Variants in PLAAT1 observed in about 807,000 individuals in gnomAD.
The protein encoded by PLAAT1 is phospholipase A and acyltransferase 1, also known as H-REV107 protein-related protein.
A neutral mutation model predicts 16.4 loss-of-function variants in PLAAT1; 13 were observed. The ratio of observed to expected loss-of-function variants is 0.79; its 90% confidence interval spans 0.52 to 1.26. PLAAT1 has a LOEUF of 1.26. PLAAT1 is among the 50% of genes most tolerant of loss of function. PLAAT1 has a pLI of 0.00. For synonymous variants in PLAAT1, 73 were observed against 78.4 expected (o/e 0.93, Z 0.36); for missense variants, 218 against 207.8 (o/e 1.05, Z -0.30).
intron 3 of PLAAT1, among the ~76,000 whole-genome samples, chr3:193,268,651 T>A (rs928499551): frequency 1.4e-4 from 22 of 152,198 alleles, no homozygotes; most frequent in Non-Finnish European, 2.4e-4. Context: ...TTATCTAGAA[T>A]GAGACTTGAA....
chr3:193,268,924 C>T (rs938525399), intron 3 of PLAAT1, among the ~76,000 whole-genome samples: 1 of 152,158 alleles, frequency 6.6e-6, no homozygotes, highest in Admixed American at 6.5e-5. Context: ...AAGGGCCGTA[C>T]CCTGCTACCA....
downstream of PLAAT1, among the ~76,000 whole-genome samples, chr3:193,271,860 C>G (rs1290557018): frequency 6.6e-6 from 1 of 152,136 alleles, no homozygotes; most frequent in Non-Finnish European, 1.5e-5. Flanking sequence ...CAGAAATACT[C>G]AACAAGCTAA....
downstream of PLAAT1, chr3:193,275,215 T>G (rs777015632): frequency 5.8e-5 from 94 of 1,614,100 alleles, no homozygotes; most frequent in Non-Finnish European, 7.6e-5. Flanking sequence ...GCTAGCTTCT[T>G]TTGCCAAGTC....
intron 1 of PLAAT1, among the ~76,000 whole-genome samples, chr3:193,248,253 A>G (rs1716054829): frequency 6.6e-6 from 1 of 152,142 alleles, no homozygotes; most frequent in South Asian, 2.1e-4. Flanking sequence ...TTTGTGTGGA[A>G]TATCTTTTTT....
chr3:193,252,656 A>G (rs1176644733), intron 1 of PLAAT1, among the ~76,000 whole-genome samples: 14 of 151,970 alleles, frequency 9.2e-5, no homozygotes, highest in African/African-American at 1.4e-4. Context: ...TTTTTCTCCT[A>G]TGTTTTTCTC....
intron 3 of PLAAT1, among the ~76,000 whole-genome samples, chr3:193,263,674 T>C (rs1172318641): frequency 6.6e-6 from 1 of 152,210 alleles, no homozygotes; most frequent in Non-Finnish European, 1.5e-5. Context: ...TAATGACATA[T>C]CTTAGTGGGC....
downstream of PLAAT1, chr3:193,281,132 T>C (rs147969215): frequency 5.2e-6 from 5 of 970,462 alleles, no homozygotes; most frequent in African/African-American, 8.8e-5. Flanking sequence ...TAAAGCAATC[T>C]AAATGGCTTG....
At chr3:193,255,163 A>G (rs552309013) in intron 1 of PLAAT1, among the ~76,000 whole-genome samples, 14 of 152,310 alleles carry the variant, frequency 9.2e-5, no homozygotes, top group African/African-American at 2.9e-4. Context: ...TTCATGCTAA[A>G]TAAGTGCAAG....
rs1444066077 is a variant in PLAAT1, at chr3:193,252,129, C to T, written c.1-3522C>T. ...TGCTTCTGGTGAGGGTCTCAGGAAG[C>T]TTACAATCATGGTGGAATGCAATGG... On this transcript the variant is annotated intron_variant, in intron 1 of 3. Coordinates refer to ENST00000264735, the MANE Select transcript of PLAAT1 (RefSeq NM_020386.5). 3.9e-5 allele frequency among the ~76,000 whole-genome samples: 6 copies of T among 152,122 alleles called. No individual in the cohort carries two copies. The East Asian group carries it at 9.7e-4, about 25-fold the overall frequency.
downstream of PLAAT1, chr3:193,274,665 T>A (rs563240700): frequency 4.3e-4 from 84 of 194,796 alleles, no homozygotes; most frequent in Non-Finnish European, 7.8e-4. Context: ...TAAGTAAACT[T>A]GTGACAACTA....
intron 1 of PLAAT1, among the ~76,000 whole-genome samples, chr3:193,247,000 G>T (rs758567455): frequency 1.3e-5 from 2 of 152,120 alleles, no homozygotes; most frequent in African/African-American, 2.4e-5. Flanking sequence ...CTTTCCTTTG[G>T]TGGGAGATTG....
chr3:193,270,800 AG>A lies in PLAAT1; in HGVS notation c.*96del. The A allele has an allele frequency of 6.8e-7, 1 of 1,468,572 alleles. No homozygotes were observed. The highest frequency in any genetic ancestry group is 9.0e-7 in the Non-Finnish European group (1 of 1,106,606). The allele number at this position is 1,468,572 out of a possible 1,614,324, so 91.0% of individuals were successfully genotyped here. ...ATTTTCAGTGCATCATTACTGTTCC[AG>A]ATTCCTATGATGGATGGCAGACTCT... On this transcript the variant is annotated 3_prime_UTR_variant, in exon 4 of 4. Coordinates refer to ENST00000264735, the MANE Select transcript of PLAAT1 (RefSeq NM_020386.5).
chr3:193,276,260 A>T (rs1717194792), intron 2 of PLAAT1, among the ~76,000 whole-genome samples: 1 of 152,214 alleles, frequency 6.6e-6, no homozygotes, highest in Non-Finnish European at 1.5e-5. Flanking sequence ...CCTCTTACTA[A>T]GTGGGTAAAG....
downstream of PLAAT1, among the ~76,000 whole-genome samples, chr3:193,279,846 A>G (rs1248182685): frequency 6.6e-6 from 1 of 151,910 alleles, no homozygotes; most frequent in Non-Finnish European, 1.5e-5. Context: ...AAGGCCTTCC[A>G]CAATCTGGTC....
intron 1 of PLAAT1, among the ~76,000 whole-genome samples, chr3:193,254,040 T>C (rs1577303167): frequency 6.6e-6 from 1 of 152,210 alleles, no homozygotes; most frequent in East Asian, 1.9e-4. Flanking sequence ...TCACAGTGTA[T>C]TATCTATTTT....
At position 193,263,081 on chromosome 3, in the gene PLAAT1, A is replaced by C. The variant is rs1459893001; in HGVS notation, c.251A>C (p.Asn84Thr). 2 of 1,614,208 alleles carry C rather than the reference A, an allele frequency of 1.2e-6. No individual in the cohort carries two copies. The highest frequency in any genetic ancestry group is 2.2e-5 in the South Asian group (2 of 91,086). The change falls in exon 3 of 4, where the codon AAT (asparagine) becomes ACT (threonine). Residue 84 changes from asparagine (N) to threonine (T), a missense_variant. By Grantham distance (65) the Asn-to-Thr change is moderately conservative (BLOSUM62 0). Coordinates refer to ENST00000264735, the MANE Select transcript of PLAAT1 (RefSeq NM_020386.5). ...GGAAATGACACATACAGAATAAACA[A>C]TAAATACGATGAAACGTACCCCCCT... The part of the protein sequence containing the change: ...VVGNDTYRIN[N>T]KYDETYPPLP...
rs1271164066 is a variant in PLAAT1 at position 193,241,347 on chromosome 3, C to T, written c.-187C>T. On this transcript the variant is annotated 5_prime_UTR_variant, in exon 1 of 4. Transcript: ENST00000264735. ...CCGTTTCAGCGTGGCGGCGCTGGTG[C>T]TGGCGTTGGCCCTGGAGGACGGCCC... 1.6e-6 allele frequency: 2 copies of T among 1,231,442 alleles called. No individual in the cohort carries two copies. Among genetic ancestry groups the T allele is most frequent in the East Asian group, 3.2e-5 (1 of 31,700 alleles). The allele number at this position is 1,231,442 out of a possible 1,614,324, so 76.3% of individuals were successfully genotyped here.
At chr3:193,260,685 C>CA (rs71637105) in intron 2 of PLAAT1, among the ~76,000 whole-genome samples, 1,614 of 137,022 alleles carry the variant, frequency 0.012, 6 homozygotes, top group African/African-American at 0.015. Context: ...ATTAAAAAGT[C>CA]AAAAAAAAAA....
chr3:193,251,245 C>T (rs1716183002), intron 1 of PLAAT1, among the ~76,000 whole-genome samples: 2 of 152,150 alleles, frequency 1.3e-5, no homozygotes, highest in South Asian at 2.1e-4. Context: ...GCAGAGGCCT[C>T]CAGCCTCTTT....
Sources: gnomAD v4.1 joint callset for allele counts (sites outside exome capture counted in the v4.1 genomes callset) on GRCh38, gnomAD v4.1.1 for gene constraint, MANE v1.5 for transcripts, NCBI Gene and HGNC (gene_info 2026-07-23, HGNC 2026-07-21) for gene names.